Variants in NTM observed in about 807,000 individuals in gnomAD.
NTM encodes the protein neurotrimin.
Under a neutral mutation model 42.1 loss-of-function variants are expected in NTM, and 13 were observed. That is an observed-to-expected ratio of 0.31 (90% CI 0.20 to 0.49). NTM has a LOEUF of 0.49. NTM is among the 20% of genes least tolerant of loss of function. The pLI, the probability that NTM is intolerant of heterozygous loss-of-function variation, is 0.99. For synonymous variants in NTM, 187 were observed against 179.2 expected (o/e 1.04, Z -0.35); for missense variants, 373 against 452.8 (o/e 0.82, Z 1.60).
chr11:131,795,534 C>CACTG (rs936561481), intron 1 of NTM: 1 of 985,296 alleles, frequency 1.0e-6, no homozygotes. Flanking sequence ...CATAGCCAGA[C>CACTG]ACTGCTCTGT....
chr11:132,075,216 C>T (rs927691042), intron 2 of NTM, among the ~76,000 whole-genome samples: 20 of 152,222 alleles, frequency 1.3e-4, no homozygotes, highest in East Asian at 7.7e-4. Flanking sequence ...GTTTCAGTTA[C>T]GCAAGATGTG....
At chr11:131,436,381 C>G (rs1306499487) in intron 1 of NTM, among the ~76,000 whole-genome samples, 1 of 152,068 alleles carries the variant, frequency 6.6e-6, no homozygotes, top group Non-Finnish European at 1.5e-5. Context: ...TTTGTACCTC[C>G]GGTAGGATTC....
chr11:131,401,813 T>C (rs1432527760), intron 1 of NTM, among the ~76,000 whole-genome samples: 4 of 26,648 alleles, frequency 1.5e-4, no homozygotes, highest in African/African-American at 6.6e-4. Flanking sequence ...TATATATATA[T>C]ATATATATAT....
chr11:131,978,323 T>G (rs2064719222), intron 2 of NTM, among the ~76,000 whole-genome samples: 1 of 152,218 alleles, frequency 6.6e-6, no homozygotes, highest in South Asian at 2.1e-4. Context: ...TATTTTTCTT[T>G]AAAACAGTAA....
intron 7 of NTM, among the ~76,000 whole-genome samples, chr11:132,328,442 A>G (rs920671287): frequency 6.9e-6 from 1 of 144,034 alleles, no homozygotes. Context: ...AGAGGAAGAG[A>G]AAAAAACCCC....
chr11:132,314,946 G>T (rs2095387795), intron 7 of NTM: 1 of 1,215,666 alleles, frequency 8.2e-7, no homozygotes, highest in Admixed American at 4.2e-5. Context: ...AGTAGTATAT[G>T]TATAGTACAT....
At chr11:131,755,428 A>G (rs950236371) in intron 1 of NTM, among the ~76,000 whole-genome samples, 2 of 152,190 alleles carry the variant, frequency 1.3e-5, no homozygotes, top group African/African-American at 4.8e-5. Context: ...GGCTCAAGAC[A>G]TTAAGATACA....
intron 3 of NTM, among the ~76,000 whole-genome samples, chr11:132,182,721 C>T (rs561584345): frequency 3.3e-5 from 5 of 152,292 alleles, no homozygotes; most frequent in African/African-American, 7.2e-5. Context: ...AAATCTGCTT[C>T]GAATCCTTGG....
intron 2 of NTM, among the ~76,000 whole-genome samples, chr11:131,976,156 CT>C (rs869183360): frequency 4.4e-5 from 6 of 135,714 alleles, no homozygotes; most frequent in African/African-American, 1.7e-4. Context: ...TCCTTCCTTC[CT>C]TTCTTCCTTC....
chr11:132,146,278 T>C lies in NTM; in HGVS notation c.168-4T>C. ...TTGACGTACCTGTCTGGTCTTCCCT[T>C]CAGGTGCACTATTGACAACCGGGTC... is the stretch of plus-strand genomic sequence containing the variant. On this transcript the variant is annotated splice_polypyrimidine_tract_variant and splice_region_variant and intron_variant, in intron 2 of 8. Coordinates refer to ENST00000683400, the MANE Select transcript of NTM (RefSeq NM_001352005.2). This position sits in a 1 kb window ranked among gnomAD's most constrained non-coding sequence, Gnocchi z 4.5. 1 of 1,614,158 alleles carries C rather than the reference T, an allele frequency of 6.2e-7. No individual in the cohort carries two copies. The highest frequency in any genetic ancestry group is 1.7e-5 in the Admixed American group (1 of 60,026).
At chr11:131,450,778 G>A (rs926739803) in intron 1 of NTM, among the ~76,000 whole-genome samples, 1 of 152,202 alleles carries the variant, frequency 6.6e-6, no homozygotes, top group African/African-American at 2.4e-5. Flanking sequence ...AAATATCTGT[G>A]CTGGGCTCTA....
intron 3 of NTM, among the ~76,000 whole-genome samples, chr11:132,184,038 G>C (rs1228345915): frequency 6.6e-6 from 1 of 152,114 alleles, no homozygotes; most frequent in Non-Finnish European, 1.5e-5. Context: ...ATGGTGCCTG[G>C]TGCCAAGCAC....
At chr11:131,432,839 C>CTTTTTTTTTTTTTATTTTTTTTTTTTT (rs1948771921) in intron 1 of NTM, among the ~76,000 whole-genome samples, 1 of 68,694 alleles carries the variant, frequency 1.5e-5, no homozygotes, top group Non-Finnish European at 2.6e-5. Flanking sequence ...ATTTAGCATT[C>CTTTTTTTTTTTTTATTTTTTTTTTTTT]TTTTTTTTTT....
chr11:132,212,143 C>T lies in NTM; in HGVS notation c.522C>T (p.Pro174=). Residue 174 remains proline (P), a synonymous_variant, in exon 4 of 9, where the codon CCC becomes CCT. Transcript: ENST00000683400. ...EPTVTWRHIS[P]KAVGFVSEDE... ...CGGTTACTTGGAGACACATCTCTCCCAAAGGTAAGAGAACAGTTTGTTGCA... is the reference window on the plus strand; with the variant it reads ...CGGTTACTTGGAGACACATCTCTCCTAAAGGTAAGAGAACAGTTTGTTGCA... The T allele has an allele frequency of 1.9e-6, 3 of 1,609,818 alleles. No individual in the cohort carries two copies. The highest frequency in any genetic ancestry group is 2.5e-6 in the Non-Finnish European group (3 of 1,178,774).
In NTM at chr11:131,911,578, A is replaced by G. The variant is rs2055014845; in HGVS notation, c.97A>G (p.Ser33Gly). ...TGTACCCACAGGAGTGCCCGTGCGC[A>G]GCGGAGATGCCACCTTCCCCAAAGC... is the stretch of plus-strand genomic sequence containing the variant. ...LCLFQGVPVR[S>G]GDATFPKAMD... is the part of the protein sequence containing the mutation. The change falls in exon 2 of 9, where the codon AGC (serine) becomes GGC (glycine). Residue 33 changes from serine (S) to glycine (G), a missense_variant. Transcript: ENST00000683400. 6.2e-7 allele frequency: 1 copy of G among 1,614,192 alleles called. No individual in the cohort carries two copies. Among genetic ancestry groups the G allele is most frequent in the African/African-American group, 1.3e-5 (1 of 75,052 alleles).
chr11:131,454,384 A>G (rs1950713754), intron 1 of NTM, among the ~76,000 whole-genome samples: 5 of 152,164 alleles, frequency 3.3e-5, no homozygotes, highest in Admixed American at 3.3e-4. Flanking sequence ...GGACTACTGT[A>G]TTCCCTTTTC....
At chr11:132,139,011 T>C (rs780571043) in intron 2 of NTM, among the ~76,000 whole-genome samples, 3 of 152,168 alleles carry the variant, frequency 2.0e-5, no homozygotes, top group Non-Finnish European at 4.4e-5. Context: ...AAGTCCAAGC[T>C]CCAATGGCAG....
intron 1 of NTM, among the ~76,000 whole-genome samples, chr11:131,869,103 G>A (rs1175228364): frequency 2.0e-5 from 3 of 150,728 alleles, no homozygotes; most frequent in African/African-American, 7.3e-5. Context: ...CCAGCCCCCC[G>A]CAATGTGCCT....
At chr11:131,490,777 A>G (rs928158948) in intron 1 of NTM, among the ~76,000 whole-genome samples, 1 of 152,238 alleles carries the variant, frequency 6.6e-6, no homozygotes, top group African/African-American at 2.4e-5. Flanking sequence ...CATAACATTC[A>G]TCATATTGCA....
Sources: gnomAD v4.1 joint callset for allele counts (sites outside exome capture counted in the v4.1 genomes callset) on GRCh38, gnomAD v4.1.1 for gene constraint, Gnocchi (gnomAD v3.1) non-coding constraint, MANE v1.5 for transcripts, NCBI Gene and HGNC (gene_info 2026-07-23, HGNC 2026-07-21) for gene names.